Variants in GAD2 observed in about 807,000 individuals in gnomAD.
GAD2 encodes 65 kDa glutamic acid decarboxylase.
GAD2 carries 22 observed loss-of-function variants against 80.1 expected under a neutral mutation model. The observed-to-expected ratio is 0.27, with a 90% CI of 0.20 to 0.39. The LOEUF is 0.39. Among genes scored for constraint, GAD2 ranks in the 10% least tolerant of loss-of-function variants. GAD2 has a pLI of 1.00. For synonymous variants in GAD2, 274 were observed against 256.9 expected (o/e 1.07, Z -0.64); for missense variants, 624 against 738.4 (o/e 0.85, Z 1.80).
At chr10:26,219,414 T>A in intron 4 of GAD2, 138 bp downstream of exon 4, 1 of 605,178 alleles carries the variant, frequency 1.7e-6, no homozygotes, top group Non-Finnish European at 2.8e-6. Flanking sequence ...TAAAAAATAG[T>A]CATTATTAGA....
At position 26,219,119 on chromosome 10, in the gene GAD2, T is replaced by C; in HGVS notation, c.363T>C (p.Tyr121=). ...ATGTTATGAACATTTTACTTCAGTA[T>C]GTGGTGAAAAGTTTCGATAGATCAA... The part of the protein sequence containing the change: ...LQDVMNILLQ[Y]VVKSFDRSTK... Residue 121 remains tyrosine (Y), a synonymous_variant, in exon 4 of 16, where the codon TAT becomes TAC. Transcript: ENST00000376261. 1 of 1,613,296 alleles carries C rather than the reference T, an allele frequency of 6.2e-7. No individual in the cohort carries two copies. Among genetic ancestry groups the C allele is most frequent in the South Asian group, 1.1e-5 (1 of 90,822 alleles).
intron 7 of GAD2, among the ~76,000 whole-genome samples, chr10:26,242,874 G>A (rs571352541): frequency 4.6e-5 from 7 of 152,186 alleles, no homozygotes; most frequent in Admixed American, 1.3e-4. Flanking sequence ...TCGCCTTTTT[G>A]CAGTTTAGTG....
intron 4 of GAD2, among the ~76,000 whole-genome samples, chr10:26,222,359 A>G (rs1844463490): frequency 6.6e-6 from 1 of 152,192 alleles, no homozygotes; most frequent in African/African-American, 2.4e-5. Context: ...TCATCCAGAA[A>G]ATGAATATGA....
At position 26,273,717 on chromosome 10, in the gene GAD2, T is replaced by A. The variant is rs772818898; in HGVS notation, c.1157+17T>A. The A allele has an allele frequency of 3.1e-6, 5 of 1,607,858 alleles. No individual in the cohort carries two copies. Among genetic ancestry groups the A allele is most frequent in the Non-Finnish European group, 4.3e-6 (5 of 1,175,362 alleles). On this transcript the variant is annotated intron_variant, in intron 11 of 15. Coordinates refer to ENST00000376261, the MANE Select transcript of GAD2 (RefSeq NM_001134366.2). The stretch of plus-strand genomic sequence containing the variant: ...CGTGGAGAGGTATGTTGCATTTTTC[T>A]TATTAACAACATAAAGTGTTAAAAG...
chr10:26,224,676 G>A (rs775603743), intron 6 of GAD2, 25 bp downstream of exon 6: 1 of 1,538,178 alleles, frequency 6.5e-7, no homozygotes. Flanking sequence ...AACTTTCTTT[G>A]TGTTTTTTCT....
intron 7 of GAD2, among the ~76,000 whole-genome samples, chr10:26,244,861 G>T (rs942762037): frequency 2.0e-5 from 3 of 152,170 alleles, no homozygotes; most frequent in African/African-American, 7.2e-5. Flanking sequence ...ACTTAAAAAT[G>T]GTTAATAAGG....
rs760768178 is a variant in GAD2 at position 26,292,976 on chromosome 10, G to C, written c.1569G>C (p.Met523Ile). 7 of 1,613,354 alleles carry C rather than the reference G, an allele frequency of 4.3e-6. No homozygotes were observed. The Admixed American group carries it at 8.3e-5, about 19-fold the overall frequency. ...CTCTGGAAGACAATGAAGAGAGAATGAGTCGCCTCTCGAAGGTCAGTGCTC... is the reference window on the plus strand; with the variant it reads ...CTCTGGAAGACAATGAAGAGAGAATCAGTCGCCTCTCGAAGGTCAGTGCTC... ...LRTLEDNEER[M>I]SRLSKVAPVI... is the part of the protein sequence containing the mutation. Residue 523 changes from methionine to isoleucine, a missense_variant, in exon 15 of 16, where the codon ATG becomes ATC. Transcript: ENST00000376261.
intron 8 of GAD2, among the ~76,000 whole-genome samples, chr10:26,250,682 C>T (rs1253339971): frequency 6.6e-6 from 1 of 152,092 alleles, no homozygotes; most frequent in Non-Finnish European, 1.5e-5. Flanking sequence ...AAGCCAGAAA[C>T]ACAGTGAGAG....
chr10:26,224,625 G>A lies in GAD2; in HGVS notation c.698G>A (p.Gly233Asp), dbSNP rs540733500. 2 of 1,613,036 alleles carry A rather than the reference G, an allele frequency of 1.2e-6. No homozygotes were observed. Among genetic ancestry groups the A allele is most frequent in the Non-Finnish European group, 8.5e-7 (1 of 1,179,084 alleles). ...KMREIIGWPGGSGDGIFSPGG... is the reference protein window; with the variant it reads ...KMREIIGWPGDSGDGIFSPGG... Reference sequence around the variant, plus strand: ...AGAGAAATCATTGGCTGGCCAGGGGGCTCTGGCGATGGGATATTTTCTCCC... The same window carrying A: ...AGAGAAATCATTGGCTGGCCAGGGGACTCTGGCGATGGGATATTTTCTCCC... Residue 233 changes from glycine (G) to aspartate (D), a missense_variant, in exon 6 of 16, where the codon GGC becomes GAC. Gly to Asp is a moderately conservative substitution (Grantham distance 94, BLOSUM62 -1). Coordinates refer to ENST00000376261, the MANE Select transcript of GAD2 (RefSeq NM_001134366.2).
rs1168280414 is a variant in GAD2 at position 26,223,867 on chromosome 10, T to C, written c.521-20T>C. 4.3e-5 allele frequency: 65 copies of C among 1,510,112 alleles called. No individual in the cohort carries two copies. Among genetic ancestry groups the C allele is most frequent in the Non-Finnish European group, 5.7e-5 (63 of 1,098,338 alleles). The allele number at this position is 1,510,112 out of a possible 1,614,324, so 93.5% of individuals were successfully genotyped here. On this transcript the variant is annotated intron_variant, in intron 4 of 15. Coordinates refer to ENST00000376261, the MANE Select transcript of GAD2 (RefSeq NM_001134366.2). ...TTTTCACTGGAGGCAATCCTGATTC[T>C]GGTATTCCATTTTATTCAGGGCATC...
chr10:26,286,607 T>C, intron 13 of GAD2, 113 bp downstream of exon 13: 7 of 1,106,140 alleles, frequency 6.3e-6, no homozygotes, highest in Non-Finnish European at 8.7e-6. Flanking sequence ...TTACCCAAGA[T>C]TTGCTTTCTT....
intron 8 of GAD2, among the ~76,000 whole-genome samples, chr10:26,263,320 A>G (rs1338364851): frequency 1.1e-4 from 17 of 152,226 alleles, no homozygotes; most frequent in Admixed American, 1.1e-3. Context: ...TTCACTATTT[A>G]TAGCAAATAG....
chr10:26,245,859 C>A, intron 7 of GAD2, 62 bp from the exon 8 acceptor site: 1 of 1,258,510 alleles, frequency 7.9e-7, no homozygotes, highest in Non-Finnish European at 1.1e-6. Context: ...AAACAAACAG[C>A]CAGTGGAATG....
At chr10:26,270,600 A>T in intron 9 of GAD2, 40 bp from the exon 10 acceptor site, 1 of 1,384,258 alleles carries the variant, frequency 7.2e-7, no homozygotes, top group Non-Finnish European at 1.0e-6. Flanking sequence ...AGAACCCTTG[A>T]CTCTGTTTTC....
chr10:26,253,202 T>C (rs1844901421), intron 8 of GAD2, among the ~76,000 whole-genome samples: 1 of 152,214 alleles, frequency 6.6e-6, no homozygotes, highest in Non-Finnish European at 1.5e-5. Context: ...GCATTATAAC[T>C]AAACAGGAAT....
In GAD2 at chr10:26,278,248, T is replaced by C. The variant is rs1233840308; in HGVS notation, c.1158-2761T>C. 3.9e-5 allele frequency among the ~76,000 whole-genome samples: 6 copies of C among 152,228 alleles called. 1 individual carries two copies. Among genetic ancestry groups the C allele is most frequent in the Non-Finnish European group, 8.8e-5 (6 of 68,038 alleles). On this transcript the variant is annotated intron_variant, in intron 11 of 15. Transcript: ENST00000376261. ...GCATTCTTACTGACAAAGCTGAGTT[T>C]ATCCGAATTAGACATCTAGCCATAG...
intron 11 of GAD2, among the ~76,000 whole-genome samples, chr10:26,279,482 T>C (rs888302607): frequency 6.6e-6 from 1 of 152,150 alleles, no homozygotes; most frequent in African/African-American, 2.4e-5. Context: ...GCAGGAGCCG[T>C]ACCCTGTATT....
intron 11 of GAD2, among the ~76,000 whole-genome samples, chr10:26,274,041 A>T (rs4749105): frequency 0.43 from 64,793 of 152,114 alleles, 17,715 homozygotes; most frequent in African/African-American, 0.79. Flanking sequence ...CCCACGTTTT[A>T]CTAGGGAGAA....
At chr10:26,235,917 A>G (rs933348064) in intron 7 of GAD2, among the ~76,000 whole-genome samples, 1 of 152,184 alleles carries the variant, frequency 6.6e-6, no homozygotes, top group African/African-American at 2.4e-5. Context: ...AACCTCATCT[A>G]GGAAACATAT....
Sources: gnomAD v4.1 joint callset for allele counts (sites outside exome capture counted in the v4.1 genomes callset) on GRCh38, gnomAD v4.1.1 for gene constraint, MANE v1.5 for transcripts, NCBI Gene and HGNC (gene_info 2026-07-23, HGNC 2026-07-21) for gene names.